Variants in GOSR2 observed in about 807,000 individuals in gnomAD.
GOSR2 encodes 27 kDa Golgi SNARE protein.
Under a neutral mutation model 27.9 loss-of-function variants are expected in GOSR2, and 20 were observed. The observed-to-expected ratio is 0.72, with a 90% CI of 0.50 to 1.04. The LOEUF is 1.04. Ranked by LOEUF, GOSR2 falls within the 50% of genes least tolerant of loss-of-function variation. The probability of loss-of-function intolerance (pLI) is 0.00; values close to 1 mark genes in which losing one functional copy is unlikely to be tolerated. For synonymous variants in GOSR2, 91 were observed against 98.8 expected, an observed-to-expected ratio of 0.92 and a Z score of 0.47; for missense variants, 261 against 270.5, an observed-to-expected ratio of 0.97 and a Z score of 0.25.
chr17:46,951,654 G>A (rs1386212915), intron 6 of GOSR2, among the ~76,000 whole-genome samples: 1 of 152,138 alleles, frequency 6.6e-6, no homozygotes, highest in South Asian at 2.1e-4. Context: ...GAGCTTCCCC[G>A]TTCCCCTCTG....
At chr17:46,960,519 A>G (rs899091181) in intron 6 of GOSR2, among the ~76,000 whole-genome samples, 1 of 152,204 alleles carries the variant, frequency 6.6e-6, no homozygotes, top group Non-Finnish European at 1.5e-5. Context: ...CCCAAGTGAA[A>G]GGAAAACTTT....
chr17:46,944,926 C>T (rs1228306045), downstream of GOSR2, among the ~76,000 whole-genome samples: 1 of 152,124 alleles, frequency 6.6e-6, no homozygotes, highest in Non-Finnish European at 1.5e-5. Flanking sequence ...TAAGGAGTCT[C>T]CTGTGAGGTC....
At chr17:46,953,392 G>T (rs1257039044) in intron 6 of GOSR2, among the ~76,000 whole-genome samples, 1 of 152,132 alleles carries the variant, frequency 6.6e-6, no homozygotes, top group Non-Finnish European at 1.5e-5. Context: ...ATTTTTTATG[G>T]CTGCATAGTA....
At chr17:46,944,390 G>A (rs2089646689), downstream of GOSR2, among the ~76,000 whole-genome samples, 1 of 152,146 alleles carries the variant, frequency 6.6e-6, no homozygotes, top group Admixed American at 6.5e-5. Context: ...TCTAAGAATG[G>A]GGGTAACACC....
rs2089106883 is a variant in GOSR2 at position 46,940,457 on chromosome 17, C to T, written c.*1697C>T. The T allele has an allele frequency of 1.2e-6, 2 of 1,609,562 alleles. No individual in the cohort carries two copies. The highest frequency in any genetic ancestry group is 2.2e-5 in the East Asian group (1 of 44,882). On this transcript the variant is annotated 3_prime_UTR_variant, in exon 6 of 6. Coordinates refer to ENST00000640051, the MANE Select transcript of GOSR2 (RefSeq NM_004287.5). ...GAGGCACATTGACATTTCCATTACA[C>T]ACAGCACTGCTGCGGTGCCAGGGAC...
At chr17:46,971,338 A>AAATT (rs1488396948), downstream of GOSR2, among the ~76,000 whole-genome samples, 3 of 152,212 alleles carry the variant, frequency 2.0e-5, no homozygotes, top group East Asian at 3.9e-4. Flanking sequence ...CTCCTTCTCA[A>AAATT]AATTAATTAA....
intron 6 of GOSR2, among the ~76,000 whole-genome samples, chr17:46,960,400 G>T (rs975990940): frequency 6.6e-5 from 10 of 152,176 alleles, no homozygotes; most frequent in African/African-American, 2.2e-4. Context: ...ACACATTGCT[G>T]GTGGAAATGC....
intron 1 of GOSR2, among the ~76,000 whole-genome samples, chr17:46,928,084 C>T (rs914927074): frequency 6.6e-6 from 1 of 152,078 alleles, no homozygotes. Flanking sequence ...TCCACACCCC[C>T]GCATCATCCC....
In GOSR2 at chr17:46,940,595, G is replaced by T. The variant is rs774352164; in HGVS notation, c.*1835G>T. ...GCCAGACAGCACACTTTGGAGGAAGGTCTGCAGGGAGCAGCTGAGCCATTT... is the reference window on the plus strand; with the variant it reads ...GCCAGACAGCACACTTTGGAGGAAGTTCTGCAGGGAGCAGCTGAGCCATTT... On this transcript the variant is annotated 3_prime_UTR_variant, in exon 6 of 6. Coordinates refer to ENST00000640051, the MANE Select transcript of GOSR2 (RefSeq NM_004287.5). 3.1e-6 allele frequency: 5 copies of T among 1,614,172 alleles called. No individual in the cohort carries two copies. The highest frequency in any genetic ancestry group is 4.2e-6 in the Non-Finnish European group (5 of 1,180,044).
chr17:46,969,353 A>C (rs987903029), downstream of GOSR2, among the ~76,000 whole-genome samples: 4 of 152,204 alleles, frequency 2.6e-5, no homozygotes, highest in African/African-American at 7.2e-5. Context: ...TGGTGTCAGC[A>C]GGAAGGAGGG....
chr17:46,961,642 A>C (rs948235630), intron 6 of GOSR2, among the ~76,000 whole-genome samples: 1 of 152,186 alleles, frequency 6.6e-6, no homozygotes, highest in Non-Finnish European at 1.5e-5. Flanking sequence ...AAGATGAAAT[A>C]CGTCTGTAAA....
chr17:46,974,137 C>T (rs1012229072), intron 6 of GOSR2, among the ~76,000 whole-genome samples: 1 of 152,226 alleles, frequency 6.6e-6, no homozygotes, highest in Non-Finnish European at 1.5e-5. Context: ...AAGTACTATC[C>T]CCGACTCAGA....
rs747877774 is a variant in GOSR2 at position 46,929,529 on chromosome 17, C to A, written c.39C>A (p.His13Gln). 6.5e-7 allele frequency: 1 copy of A among 1,548,186 alleles called. No homozygotes were observed. The highest frequency in any genetic ancestry group is 8.9e-7 in the Non-Finnish European group (1 of 1,120,076). ...CCTCTTCCTTTGATAGGCAGGTCCA[C>A]GAGATCCAGTCTTGCATGGGACGCC... ...PLFQQTHKQV[H>Q]EIQSCMGRLE... is the part of the protein sequence containing the mutation. The change falls in exon 2 of 6, where the codon CAC becomes CAA. Residue 13 changes from histidine (H) to glutamine (Q), a missense_variant. His to Gln is a conservative substitution (Grantham distance 24). Coordinates refer to ENST00000640051, the MANE Select transcript of GOSR2 (RefSeq NM_004287.5).
downstream of GOSR2, among the ~76,000 whole-genome samples, chr17:46,943,280 C>G (rs1249084397): frequency 1.3e-5 from 2 of 152,184 alleles, no homozygotes; most frequent in African/African-American, 4.8e-5. Context: ...GGGTGCCCCT[C>G]ATTAACTGAC....
Position 46,941,267 on chromosome 17 carries a change from A to G in GOSR2, c.*2507A>G. On this transcript the variant is annotated 3_prime_UTR_variant, in exon 6 of 6. Transcript: ENST00000640051. ...GGAGTTCTGTACACCCTTTGCCCTG[A>G]TGAATTTGAATGGGTTTGATTTGCA... 20 of 986,302 alleles carry G rather than the reference A, an allele frequency of 2.0e-5. No individual in the cohort carries two copies. Among genetic ancestry groups the G allele is most frequent in the Non-Finnish European group, 2.4e-5 (20 of 830,462 alleles). 61.1% of individuals were successfully genotyped at this position (986,302 alleles called of 1,614,324 possible). A position where few individuals can be genotyped will look rare whatever the true frequency, so the allele number is the denominator to read the frequency against.
Position 46,938,636 on chromosome 17 carries a change from T to C in GOSR2, c.515T>C (p.Leu172Pro), listed in dbSNP as rs1180360729. ...QKKILDIANM[L>P]GLSNTVMRLI... ...AAGATCCTTGACATTGCCAACATGC[T>C]GGGCTTGTCCAACACAGTGATGCGG... Residue 172 changes from leucine to proline, a missense_variant, in exon 6 of 6, where the codon CTG becomes CCG. Physicochemically the swap from Leu to Pro is moderately conservative, Grantham distance 98 (BLOSUM62 -3). Transcript: ENST00000640051. 5 of 1,614,078 alleles carry C rather than the reference T, an allele frequency of 3.1e-6. No homozygotes were observed. Among genetic ancestry groups the C allele is most frequent in the African/African-American group, 1.3e-5 (1 of 74,930 alleles).
chr17:46,970,700 A>G (rs2091383416), downstream of GOSR2, among the ~76,000 whole-genome samples: 1 of 152,214 alleles, frequency 6.6e-6, no homozygotes, highest in Non-Finnish European at 1.5e-5. Flanking sequence ...GGGGGCTCAG[A>G]GACCCGGAAA....
chr17:46,972,750 T>C (rs879177724), intron 6 of GOSR2, among the ~76,000 whole-genome samples: 3 of 152,226 alleles, frequency 2.0e-5, no homozygotes, highest in Admixed American at 2.0e-4. Context: ...AAAGAAATTA[T>C]TGAGGCACAG....
rs2094289340 is a variant in GOSR2 at position 46,941,158 on chromosome 17, T to A, written c.*2398T>A. The A allele has an allele frequency of 9.9e-7, 1 of 1,007,776 alleles. No homozygotes were observed. Among genetic ancestry groups the A allele is most frequent in the Non-Finnish European group, 1.2e-6 (1 of 842,066 alleles). The allele number at this position is 1,007,776 out of a possible 1,614,324, so 62.4% of individuals were successfully genotyped here. A position where few individuals can be genotyped will look rare whatever the true frequency, so the allele number is the denominator to read the frequency against. ...TGAGATCTCTTTATTACATGGACAT[T>A]TACTTCAGGGGGACCACTGTAAGAA... is the stretch of plus-strand genomic sequence containing the variant. On this transcript the variant is annotated 3_prime_UTR_variant, in exon 6 of 6. Coordinates refer to ENST00000640051, the MANE Select transcript of GOSR2 (RefSeq NM_004287.5).
Sources: allele counts gnomAD v4.1 joint callset (sites outside exome capture counted in the v4.1 genomes callset), GRCh38; gene constraint gnomAD v4.1.1; transcripts MANE v1.5; gene names NCBI Gene and HGNC (gene_info 2026-07-23, HGNC 2026-07-21).